NEGR1: variants seen among roughly 807,000 people sequenced by gnomAD.
NEGR1 encodes neuronal growth regulator 1, also known as IgLON family member 4.
In NEGR1, 10 loss-of-function variants were observed where a neutral mutation model predicts 40.9. That is an observed-to-expected ratio of 0.24 (90% CI 0.15 to 0.42). The LOEUF (loss-of-function observed/expected upper bound fraction) is 0.42, where lower values mean the gene tolerates loss of function less well. NEGR1 is among the 10% of genes least tolerant of loss of function. The probability of loss-of-function intolerance (pLI) is 1.00; values close to 1 mark genes in which losing one functional copy is unlikely to be tolerated. For missense variants in NEGR1, 352 were observed against 438.9 expected (o/e 0.80, Z 1.77); for synonymous variants, 185 against 166.8 (o/e 1.11, Z -0.84).
intron 6 of NEGR1, among the ~76,000 whole-genome samples, chr1:71,425,664 A>G (rs1506450): frequency 0.96 from 145,734 of 152,202 alleles, 70,086 homozygotes; most frequent in East Asian, 1. Flanking sequence ...TTTTTAATGT[A>G]AAATATCTGA....
intron 2 of NEGR1, among the ~76,000 whole-genome samples, chr1:71,868,477 TAC>T: frequency 1.3e-5 from 1 of 79,800 alleles, no homozygotes; most frequent in African/African-American, 4.5e-5. Context: ...ACAGAATACA[TAC>T]ATACATACAT....
intron 2 of NEGR1, among the ~76,000 whole-genome samples, chr1:71,898,807 A>T (rs1661044481): frequency 1.3e-5 from 2 of 149,172 alleles, no homozygotes; most frequent in African/African-American, 4.9e-5. Flanking sequence ...AAGTATATGT[A>T]TACATATATT....
At chr1:71,852,367 G>T (rs953839728) in intron 2 of NEGR1, among the ~76,000 whole-genome samples, 3 of 152,050 alleles carry the variant, frequency 2.0e-5, no homozygotes, top group African/African-American at 4.8e-5. Flanking sequence ...GCCACACAGT[G>T]TCTTAAAAGT....
intron 1 of NEGR1, among the ~76,000 whole-genome samples, chr1:72,192,089 G>T (rs1406001112): frequency 3.3e-5 from 5 of 151,686 alleles, no homozygotes; most frequent in East Asian, 1.9e-4. Context: ...TATTTAAATG[G>T]GTGACTCAAG....
chr1:71,590,824 C>T (rs1649472055), intron 6 of NEGR1, among the ~76,000 whole-genome samples: 1 of 152,106 alleles, frequency 6.6e-6, no homozygotes, highest in Non-Finnish European at 1.5e-5. Context: ...AGCTAAAACT[C>T]ATTCACTCAT....
At chr1:72,074,387 A>G (rs1647625561) in intron 1 of NEGR1, among the ~76,000 whole-genome samples, 1 of 152,072 alleles carries the variant, frequency 6.6e-6, no homozygotes, top group African/African-American at 2.4e-5. Context: ...ACTTATATTA[A>G]TATTATTCTT....
intron 6 of NEGR1, among the ~76,000 whole-genome samples, chr1:71,450,220 A>G (rs1646616214): frequency 6.6e-6 from 1 of 151,094 alleles, no homozygotes; most frequent in South Asian, 2.1e-4. Flanking sequence ...CAAACTCCTG[A>G]CCTCTTGATC....
chr1:72,002,119 A>C (rs1184348506), intron 1 of NEGR1, among the ~76,000 whole-genome samples: 1 of 152,022 alleles, frequency 6.6e-6, no homozygotes, highest in Non-Finnish European at 1.5e-5. Flanking sequence ...TTTTTTGATT[A>C]TATGTGAAAA....
chr1:72,277,113 T>A (rs989984240), intron 1 of NEGR1, among the ~76,000 whole-genome samples: 1 of 152,174 alleles, frequency 6.6e-6, no homozygotes, highest in African/African-American at 2.4e-5. Context: ...CCTCAATTCA[T>A]GATGTTGTCC....
intron 1 of NEGR1, among the ~76,000 whole-genome samples, chr1:72,144,532 C>T (rs998711238): frequency 7.1e-6 from 1 of 140,702 alleles, no homozygotes; most frequent in African/African-American, 2.5e-5. Flanking sequence ...ATGGAGCATA[C>T]ATTCATGATT....
chr1:71,548,747 G>A (rs1484699811), intron 6 of NEGR1, among the ~76,000 whole-genome samples: 1 of 151,674 alleles, frequency 6.6e-6, no homozygotes, highest in Non-Finnish European at 1.5e-5. Flanking sequence ...GGAGCACTGA[G>A]AAGGCGGCTT....
At chr1:72,091,338 TTC>T (rs144540988) in intron 1 of NEGR1, among the ~76,000 whole-genome samples, 4,952 of 150,394 alleles carry the variant, frequency 0.033, 287 homozygotes, top group African/African-American at 0.12. Flanking sequence ...ACCACTCTTT[TTC>T]TCTCTCTCAG....
chr1:72,024,252 A>G (rs3102909), intron 1 of NEGR1, among the ~76,000 whole-genome samples: 52,335 of 151,720 alleles, frequency 0.34, 11,035 homozygotes, highest in African/African-American at 0.59. Context: ...TAATTTATTT[A>G]TTTCTCCATC....
intron 2 of NEGR1, among the ~76,000 whole-genome samples, chr1:71,897,518 T>C (rs1661006016): frequency 6.6e-6 from 1 of 152,180 alleles, no homozygotes; most frequent in East Asian, 1.9e-4. Flanking sequence ...TGAGAGGTCT[T>C]CCTCAGGGCT....
chr1:72,014,291 T>C (rs992528230), intron 1 of NEGR1, among the ~76,000 whole-genome samples: 10 of 152,008 alleles, frequency 6.6e-5, no homozygotes, highest in African/African-American at 2.4e-4. Context: ...CTCTTCTCAT[T>C]TGAGAAATTC....
intron 4 of NEGR1, among the ~76,000 whole-genome samples, chr1:71,637,726 AAAG>A (rs1003761871): frequency 9.2e-5 from 14 of 152,102 alleles, no homozygotes; most frequent in African/African-American, 3.4e-4. Context: ...AAAAGAAAAG[AAAG>A]AAGAAGAGGG....
At chr1:71,649,996 A>G (rs987294755) in intron 4 of NEGR1, among the ~76,000 whole-genome samples, 4 of 152,214 alleles carry the variant, frequency 2.6e-5, no homozygotes, top group Middle Eastern at 3.2e-3. Context: ...GAGAAAATAC[A>G]GGAATTATAC....
At chr1:71,579,656 C>T (rs1434189050) in intron 6 of NEGR1, among the ~76,000 whole-genome samples, 1 of 144,756 alleles carries the variant, frequency 6.9e-6, no homozygotes, top group Non-Finnish European at 1.5e-5. Flanking sequence ...GAACTGATTC[C>T]ACCTATTTCA....
chr1:72,214,375 G>T (rs547889177), intron 1 of NEGR1, among the ~76,000 whole-genome samples: 6 of 152,180 alleles, frequency 3.9e-5, no homozygotes, highest in Non-Finnish European at 8.8e-5. Context: ...GGGCAATCAG[G>T]CAAGAGAATG....
Sources: gnomAD v4.1 joint callset for allele counts (sites outside exome capture counted in the v4.1 genomes callset) on GRCh38, gnomAD v4.1.1 for gene constraint, MANE v1.5 for transcripts, NCBI Gene and HGNC (gene_info 2026-07-23, HGNC 2026-07-21) for gene names.